The following TMEM178B variants were observed in gnomAD, a reference collection of about 807,000 sequenced individuals.
The protein encoded by TMEM178B is transmembrane protein 178B.
In TMEM178B, 5 loss-of-function variants were observed where a neutral mutation model predicts 31.0. The observed-to-expected ratio is 0.16, with a 90% CI of 0.08 to 0.34. The LOEUF (loss-of-function observed/expected upper bound fraction) is 0.34. Ranked by LOEUF, TMEM178B falls within the 10% of genes least tolerant of loss-of-function variation. The pLI, the probability that TMEM178B is intolerant of heterozygous loss-of-function variation, is 1.00. For synonymous variants in TMEM178B, 164 were observed against 164.0 expected (o/e 1.00, Z 0.00); for missense variants, 275 against 400.3 (o/e 0.69, Z 2.67).
At chr7:141,143,267 G>A (rs1206926050) in intron 1 of TMEM178B, among the ~76,000 whole-genome samples, 1 of 152,130 alleles carries the variant, frequency 6.6e-6, no homozygotes, top group Non-Finnish European at 1.5e-5. Context: ...TGCTTTTGAG[G>A]ACTTAGTCAT....
chr7:141,081,868 GACTCAC>G (rs1183069910), intron 1 of TMEM178B, among the ~76,000 whole-genome samples: 1 of 152,148 alleles, frequency 6.6e-6, no homozygotes, highest in African/African-American at 2.4e-5. Flanking sequence ...CTCACTCACT[GACTCAC>G]CCAAAGCAAC....
chr7:141,289,004 C>G (rs1001687638), intron 2 of TMEM178B, among the ~76,000 whole-genome samples: 1 of 152,128 alleles, frequency 6.6e-6, no homozygotes, highest in African/African-American at 2.4e-5. Flanking sequence ...CAAAGATAAC[C>G]CTGGAAAAAA....
At chr7:141,213,199 C>T (rs1159500578) in intron 2 of TMEM178B, among the ~76,000 whole-genome samples, 1 of 152,156 alleles carries the variant, frequency 6.6e-6, no homozygotes, top group Non-Finnish European at 1.5e-5. Context: ...GTCTTTAAAG[C>T]TACGGTTTAC....
intron 2 of TMEM178B, among the ~76,000 whole-genome samples, chr7:141,269,003 A>C (rs1347295020): frequency 2.0e-5 from 3 of 152,152 alleles, no homozygotes; most frequent in African/African-American, 7.2e-5. Flanking sequence ...GGGGTTTTGC[A>C]AGAGTTTCAG....
intron 3 of TMEM178B, among the ~76,000 whole-genome samples, chr7:141,439,319 A>G (rs1801613665): frequency 6.6e-6 from 1 of 152,042 alleles, no homozygotes. Flanking sequence ...CTCCTCAGTG[A>G]GCCCCACACC....
chr7:141,265,406 G>T lies in TMEM178B; in HGVS notation c.496+52702G>T, dbSNP rs188746060. On this transcript the variant is annotated intron_variant, in intron 2 of 3. Transcript: ENST00000565468. Reference sequence around the variant, plus strand: ...CCTGGCTCACAGGGTGAGGTTGCATGTTCATGCCTGTTCATCTACACCAGG... The same window carrying T: ...CCTGGCTCACAGGGTGAGGTTGCATTTTCATGCCTGTTCATCTACACCAGG... 4.8e-4 allele frequency among the ~76,000 whole-genome samples: 73 copies of T among 151,802 alleles called. No homozygotes were observed. The East Asian group carries it at 9.3e-3, about 19-fold the overall frequency.
chr7:141,366,901 C>T (rs959513748), intron 2 of TMEM178B, among the ~76,000 whole-genome samples: 2 of 152,134 alleles, frequency 1.3e-5, no homozygotes, highest in African/African-American at 4.8e-5. Context: ...AGTTTATAAT[C>T]TGTTTTATGG....
chr7:141,268,074 G>T (rs1798122545), intron 2 of TMEM178B, among the ~76,000 whole-genome samples: 1 of 152,166 alleles, frequency 6.6e-6, no homozygotes, highest in Admixed American at 6.5e-5. Context: ...AATGTTCATG[G>T]AAAATGCATA....
At chr7:141,281,864 A>ACTT (rs1798367505) in intron 2 of TMEM178B, among the ~76,000 whole-genome samples, 2 of 152,218 alleles carry the variant, frequency 1.3e-5, no homozygotes, top group Admixed American at 6.5e-5. Context: ...CTGGGGGCCC[A>ACTT]GTCAAGAGTG....
At chr7:141,286,646 A>G (rs1360482172) in intron 2 of TMEM178B, among the ~76,000 whole-genome samples, 1 of 152,202 alleles carries the variant, frequency 6.6e-6, no homozygotes, top group African/African-American at 2.4e-5. Context: ...TGGTCTCCAC[A>G]GACAAGAGGA....
rs1169180823 is a variant in TMEM178B at position 141,226,296 on chromosome 7, C to T, written c.496+13592C>T. On this transcript the variant is annotated intron_variant, in intron 2 of 3. Transcript: ENST00000565468. ...GAGTGTGGATGACAATGCTGACTGA[C>T]ACCAGCCCCAAGTAGGTAGCTCCAG... Among the ~76,000 whole-genome samples the T allele has an allele frequency of 3.3e-5, 5 of 152,146 alleles. No homozygotes were observed. The East Asian group carries it at 7.7e-4, about 23-fold the overall frequency.
intron 2 of TMEM178B, among the ~76,000 whole-genome samples, chr7:141,284,489 A>C (rs1210550164): frequency 6.6e-6 from 1 of 152,108 alleles, no homozygotes. Flanking sequence ...TCTCCTCCTA[A>C]CATTTTTATT....
intron 2 of TMEM178B, among the ~76,000 whole-genome samples, chr7:141,321,911 G>A (rs1213650531): frequency 6.6e-6 from 1 of 151,908 alleles, no homozygotes; most frequent in Non-Finnish European, 1.5e-5. Flanking sequence ...TATTCAAACA[G>A]ATATAGAAGC....
At chr7:141,091,869 G>A (rs1195346634) in intron 1 of TMEM178B, among the ~76,000 whole-genome samples, 3 of 151,948 alleles carry the variant, frequency 2.0e-5, no homozygotes, top group African/African-American at 4.8e-5. Flanking sequence ...CTGAGACTAC[G>A]GGCATGTGCC....
intron 2 of TMEM178B, among the ~76,000 whole-genome samples, chr7:141,381,952 G>A (rs7811466): frequency 6.6e-6 from 1 of 151,964 alleles, no homozygotes; most frequent in Non-Finnish European, 1.5e-5. Context: ...ATCAGATACC[G>A]TCTGCTATCT....
chr7:141,496,773 C>T, the TMEM178B span, among the ~76,000 whole-genome samples: 1 of 149,908 alleles, frequency 6.7e-6, no homozygotes, highest in Non-Finnish European at 1.5e-5. Context: ...GGAATTACTG[C>T]AAAAAAAATG....
chr7:141,103,200 G>A (rs1318672478), intron 1 of TMEM178B, among the ~76,000 whole-genome samples: 1 of 152,208 alleles, frequency 6.6e-6, no homozygotes, highest in African/African-American at 2.4e-5. Flanking sequence ...CATCTCTTCT[G>A]AGAACTTTGA....
chr7:141,483,828 C>T (rs760226104), downstream of TMEM178B, among the ~76,000 whole-genome samples: 35 of 151,930 alleles, frequency 2.3e-4, no homozygotes, highest in Non-Finnish European at 4.1e-4. Flanking sequence ...CTCCGCCTCC[C>T]GAGTTTAAGT....
intron 3 of TMEM178B, 25 bp from the exon 4 acceptor site, chr7:141,470,511 C>A: frequency 6.8e-7 from 1 of 1,480,788 alleles, no homozygotes; most frequent in African/African-American, 1.4e-5. Flanking sequence ...TTTCCCCATC[C>A]TGTGTCTTTT....
Sources: allele counts gnomAD v4.1 joint callset (sites outside exome capture counted in the v4.1 genomes callset), GRCh38; gene constraint gnomAD v4.1.1; transcripts MANE v1.5; gene names NCBI Gene and HGNC (gene_info 2026-07-23, HGNC 2026-07-21).